LCA5L: variants seen among roughly 807,000 people sequenced by gnomAD.
LCA5L encodes lebercilin-like protein.
LCA5L carries 35 observed loss-of-function variants against 45.4 expected under a neutral mutation model. The observed-to-expected ratio is 0.77, with a 90% CI of 0.59 to 1.02. LCA5L has a LOEUF of 1.02. LCA5L is among the 50% of genes least tolerant of loss of function. LCA5L has a pLI of 0.00. For synonymous variants in LCA5L, 233 were observed against 264.7 expected, an observed-to-expected ratio of 0.88 and a Z score of 1.16; for missense variants, 668 against 761.6, an observed-to-expected ratio of 0.88 and a Z score of 1.45.
Position 39,420,722 on chromosome 21 carries a change from A to G in LCA5L, c.959T>C (p.Leu320Pro), listed in dbSNP as rs1264207527. 1 of 1,611,774 alleles carries G rather than the reference A, an allele frequency of 6.2e-7. No homozygotes were observed. Among genetic ancestry groups the G allele is most frequent in the Non-Finnish European group, 8.5e-7 (1 of 1,178,626 alleles). ...AAGAAATACCTTAAGTTTTTGTTGA[A>G]GGTGTTTTACTTCCACCTGCAGAGT... The part of the protein sequence containing the change: ...TKTLQVEVKH[L>P]QQKLKEKDRE... The change falls in exon 7 of 11, where the codon CTT (leucine) becomes CCT (proline). Residue 320 changes from leucine (L) to proline (P), a missense_variant. Physicochemically the swap from Leu to Pro is moderately conservative, Grantham distance 98. Transcript: ENST00000288350.
intron 7 of LCA5L, chr21:39,413,781 C>T (rs746495558): frequency 6.6e-6 from 1 of 152,174 alleles, no homozygotes; most frequent in Non-Finnish European, 1.5e-5. Context: ...TTCATCCACA[C>T]TGGTTAGGAA....
intron 1 of LCA5L, 80 bp downstream of exon 1, chr21:39,445,645 G>A (rs2077409557): frequency 6.6e-6 from 1 of 152,650 alleles, no homozygotes; most frequent in Non-Finnish European, 1.5e-5. Context: ...AGCGTAGCAG[G>A]AGGGTCCGGA....
rs2039791869 is a variant in LCA5L at position 39,409,895 on chromosome 21, T to C, written c.1282+84A>G. On this transcript the variant is annotated intron_variant, in intron 10 of 10. Coordinates refer to ENST00000288350, the MANE Select transcript of LCA5L (RefSeq NM_152505.4). This position sits in a 1 kb window ranked among gnomAD's most constrained non-coding sequence, Gnocchi z 4.2. ...AGGTGCGAGCTGCCATGCCCAGCTG[T>C]TTTATGTGTGCTTTATATACACATA... 1.3e-6 allele frequency: 1 copy of C among 799,182 alleles called. No individual in the cohort carries two copies. Among genetic ancestry groups the C allele is most frequent in the Non-Finnish European group, 2.0e-6 (1 of 500,062 alleles). The allele number at this position is 799,182 out of a possible 1,614,324, so 49.5% of individuals were successfully genotyped here. A position where few individuals can be genotyped will look rare whatever the true frequency, so the allele number is the denominator to read the frequency against.
In LCA5L at chr21:39,411,779, A is replaced by G. The variant is rs1569069477; in HGVS notation, c.999T>C (p.Ile333=). ...KLKEKDRELE[I]KNIYSHRILK... is the part of the protein sequence containing the mutation. ...GTATTCGATGACTATAGATGTTTTT[A>G]ATTTCAAGCTCACGATCCTTTTCCT... is the stretch of plus-strand genomic sequence containing the variant. Residue 333 remains isoleucine, a synonymous_variant, in exon 8 of 11, where the codon ATT becomes ATC. Transcript: ENST00000288350. 6.3e-7 allele frequency: 1 copy of G among 1,589,116 alleles called. No homozygotes were observed. The highest frequency in any genetic ancestry group is 8.6e-7 in the Non-Finnish European group (1 of 1,163,654).
At chr21:39,433,218 A>C (rs1283094451) in intron 3 of LCA5L, among the ~76,000 whole-genome samples, 1 of 152,066 alleles carries the variant, frequency 6.6e-6, no homozygotes, top group Non-Finnish European at 1.5e-5. Context: ...GGAGTTCGTG[A>C]CCAGCCTGGC....
chr21:39,422,929 C>T, intron 6 of LCA5L, 47 bp downstream of exon 6: 1 of 1,561,316 alleles, frequency 6.4e-7, no homozygotes, highest in Non-Finnish European at 8.7e-7. Context: ...CACCCTCTCT[C>T]TATTAACTTT....
rs1169761390 is a variant in LCA5L, at chr21:39,423,147, T to C, written c.666A>G (p.Arg222=). The C allele has an allele frequency of 6.2e-7, 1 of 1,613,584 alleles. No individual in the cohort carries two copies. The highest frequency in any genetic ancestry group is 8.5e-7 in the Non-Finnish European group (1 of 1,179,908). Residue 222 remains arginine, a synonymous_variant, in exon 6 of 11, where the codon AGA becomes AGG. Transcript: ENST00000288350. ...TTTCTCTAAGTTTCCTAGATAGAGT[T>C]CTTTCCTTTTCCTGGGATTTCCTAA... ...QLLRKSQEKE[R]TLSRKLRETD...
chr21:39,436,852 C>T (rs889955201), intron 2 of LCA5L, among the ~76,000 whole-genome samples: 3 of 152,136 alleles, frequency 2.0e-5, no homozygotes, highest in Admixed American at 6.5e-5. Flanking sequence ...CAAATTTTCC[C>T]TCTTTTCTTA....
intron 3 of LCA5L, among the ~76,000 whole-genome samples, chr21:39,434,303 A>C (rs2076077717): frequency 6.6e-6 from 1 of 152,180 alleles, no homozygotes; most frequent in African/African-American, 2.4e-5. Context: ...CAGTCTGCTA[A>C]ATACCAGTTT....
intron 5 of LCA5L, among the ~76,000 whole-genome samples, chr21:39,425,544 G>A (rs367556879): frequency 5.4e-4 from 83 of 152,316 alleles, no homozygotes; most frequent in African/African-American, 1.9e-3. Flanking sequence ...AAGCAGAGCA[G>A]GCCAGCCTCT....
intron 2 of LCA5L, among the ~76,000 whole-genome samples, chr21:39,441,722 T>G (rs76966447): frequency 0.18 from 27,738 of 152,170 alleles, 2,644 homozygotes; most frequent in Middle Eastern, 0.27. Flanking sequence ...TGCAATGTAC[T>G]GCACTGAGTA....
intron 2 of LCA5L, chr21:39,443,646 C>T (rs2077090334): frequency 6.6e-6 from 1 of 152,236 alleles, no homozygotes; most frequent in South Asian, 2.1e-4. Context: ...TACAGACCCT[C>T]AGCTAACCGT....
At position 39,420,772 on chromosome 21, in the gene LCA5L, A is replaced by G. The variant is rs777842980; in HGVS notation, c.909T>C (p.Thr303=). 1 of 1,613,616 alleles carries G rather than the reference A, an allele frequency of 6.2e-7. No individual in the cohort carries two copies. Among genetic ancestry groups the G allele is most frequent in the Non-Finnish European group, 8.5e-7 (1 of 1,179,594 alleles). ...SRQLAIETRK[T]LAAQTATKTL... ...TCTTGGTAGCTGTCTGAGCTGCTAA[A>G]GTCTTCCGAGTCTCAATAGCCAGCT... Residue 303 remains threonine (T), a synonymous_variant, in exon 7 of 11, where the codon ACT becomes ACC. Coordinates refer to ENST00000288350, the MANE Select transcript of LCA5L (RefSeq NM_152505.4).
At chr21:39,442,828 A>G (rs2077004896) in intron 2 of LCA5L, among the ~76,000 whole-genome samples, 1 of 152,188 alleles carries the variant, frequency 6.6e-6, no homozygotes, top group South Asian at 2.1e-4. Flanking sequence ...GGAGAAAGGT[A>G]GGAGTCAAGA....
At chr21:39,432,662 C>G (rs1318320190) in intron 3 of LCA5L, among the ~76,000 whole-genome samples, 3 of 152,208 alleles carry the variant, frequency 2.0e-5, no homozygotes, top group Non-Finnish European at 4.4e-5. Flanking sequence ...TAATTCCTCT[C>G]ATCCTTCCCT....
At chr21:39,440,670 T>C (rs1274731368) in intron 2 of LCA5L, among the ~76,000 whole-genome samples, 4 of 152,248 alleles carry the variant, frequency 2.6e-5, no homozygotes, top group Admixed American at 2.0e-4. Flanking sequence ...TCAAGGTTCA[T>C]GTCACCAGGG....
At chr21:39,419,523 C>CAAAAAAAAAAAAAAA in intron 7 of LCA5L, among the ~76,000 whole-genome samples, 1 of 123,552 alleles carries the variant, frequency 8.1e-6, no homozygotes, top group Admixed American at 8.0e-5. Flanking sequence ...AGACCCTGTT[C>CAAAAAAAAAAAAAAA]AAAAAAAAAA....
At chr21:39,439,752 G>C (rs1183112752) in intron 2 of LCA5L, 1 of 152,218 alleles carries the variant, frequency 6.6e-6, no homozygotes, top group Non-Finnish European at 1.5e-5. Context: ...TGCAGAGGCA[G>C]TGGCAGAAGC....
At chr21:39,428,602 T>TA (rs2075267570) in intron 4 of LCA5L, 99 bp from the exon 5 acceptor site, 1 of 30,356 alleles carries the variant, frequency 3.3e-5, no homozygotes, top group Non-Finnish European at 5.6e-5. Context: ...ATATATATTT[T>TA]TTTTTTTTTT....
Sources: gnomAD v4.1 joint callset for allele counts (sites outside exome capture counted in the v4.1 genomes callset) on GRCh38, gnomAD v4.1.1 for gene constraint, Gnocchi (gnomAD v3.1) non-coding constraint, MANE v1.5 for transcripts, NCBI Gene and HGNC (gene_info 2026-07-23, HGNC 2026-07-21) for gene names.